The following HHAT variants were observed in gnomAD, a reference collection of about 807,000 sequenced individuals.
HHAT encodes the protein protein-cysteine N-palmitoyltransferase HHAT.
Under a neutral mutation model 70.8 loss-of-function variants are expected in HHAT, and 47 were observed. The observed-to-expected ratio is 0.66, with a 90% CI of 0.53 to 0.85. The LOEUF (loss-of-function observed/expected upper bound fraction) is 0.85. Ranked by LOEUF, HHAT falls within the 40% of genes least tolerant of loss-of-function variation. The pLI is 0.00. For synonymous variants in HHAT, 228 were observed against 247.6 expected (o/e 0.92, Z 0.74); for missense variants, 609 against 604.8 (o/e 1.01, Z -0.07).
chr1:210,526,146 G>C (rs955244356), intron 9 of HHAT, among the ~76,000 whole-genome samples: 1 of 152,160 alleles, frequency 6.6e-6, no homozygotes, highest in Non-Finnish European at 1.5e-5. Flanking sequence ...CGAGCTTGGA[G>C]GGGCAGAGGT....
intron 11 of HHAT, among the ~76,000 whole-genome samples, chr1:210,669,562 AATTAT>A (rs1227969421): frequency 1.3e-5 from 2 of 152,140 alleles, no homozygotes; most frequent in African/African-American, 2.4e-5. Flanking sequence ...CTGTCCTATT[AATTAT>A]ATTATCCAAT....
intron 8 of HHAT, among the ~76,000 whole-genome samples, chr1:210,506,165 A>G (rs2094850322): frequency 6.6e-6 from 1 of 152,200 alleles, no homozygotes; most frequent in Non-Finnish European, 1.5e-5. Context: ...CCTAATTTTG[A>G]TGCACTGTGA....
At chr1:210,373,486 GAGA>G (rs1031204907) in intron 3 of HHAT, among the ~76,000 whole-genome samples, 2 of 152,192 alleles carry the variant, frequency 1.3e-5, no homozygotes, top group African/African-American at 4.8e-5. Context: ...GGGCACGTGG[GAGA>G]AGATGTAAAG....
At chr1:210,535,549 A>AG (rs1055476796) in intron 9 of HHAT, among the ~76,000 whole-genome samples, 1 of 151,702 alleles carries the variant, frequency 6.6e-6, no homozygotes, top group Admixed American at 6.6e-5. Context: ...GATCAGTAGG[A>AG]GGGGGTAGAC....
chr1:210,571,167 T>C (rs1343876033), intron 9 of HHAT, among the ~76,000 whole-genome samples: 1 of 152,224 alleles, frequency 6.6e-6, no homozygotes, highest in African/African-American at 2.4e-5. Context: ...CACCTTGTCT[T>C]TGGGCATGAA....
intron 3 of HHAT, among the ~76,000 whole-genome samples, chr1:210,367,138 G>GT (rs1176021522): frequency 6.6e-6 from 1 of 152,166 alleles, no homozygotes; most frequent in African/African-American, 2.4e-5. Flanking sequence ...AGTAAACAGG[G>GT]TGATAGGATA....
chr1:210,532,426 G>C (rs2095324699), intron 9 of HHAT, among the ~76,000 whole-genome samples: 1 of 152,100 alleles, frequency 6.6e-6, no homozygotes, highest in African/African-American at 2.4e-5. Flanking sequence ...TCCAGTCCTG[G>C]CTTTTCCATT....
At chr1:210,597,067 G>A (rs1271067182) in intron 10 of HHAT, among the ~76,000 whole-genome samples, 1 of 152,212 alleles carries the variant, frequency 6.6e-6, no homozygotes, top group Non-Finnish European at 1.5e-5. Flanking sequence ...CAGTAATACT[G>A]TGGGTCTTGC....
At chr1:210,632,399 TGAG>T (rs1011122645) in intron 11 of HHAT, among the ~76,000 whole-genome samples, 1 of 152,102 alleles carries the variant, frequency 6.6e-6, no homozygotes, top group Non-Finnish European at 1.5e-5. Context: ...CTCTTTGTCT[TGAG>T]GAGGTGATGT....
intron 9 of HHAT, among the ~76,000 whole-genome samples, chr1:210,541,525 G>C (rs2095430671): frequency 6.6e-6 from 1 of 152,168 alleles, no homozygotes; most frequent in Non-Finnish European, 1.5e-5. Context: ...TCAGGAGTTT[G>C]AGACTAGCCT....
intron 9 of HHAT, among the ~76,000 whole-genome samples, chr1:210,535,194 A>G (rs2095358007): frequency 6.6e-6 from 1 of 152,196 alleles, no homozygotes; most frequent in African/African-American, 2.4e-5. Flanking sequence ...TAGGACCTCC[A>G]TTGCCAGCAC....
At chr1:210,668,961 G>A (rs1679511778) in intron 11 of HHAT, among the ~76,000 whole-genome samples, 1 of 152,098 alleles carries the variant, frequency 6.6e-6, no homozygotes, top group Non-Finnish European at 1.5e-5. Context: ...TTTTAGTAGA[G>A]AAGGGGTTTC....
intron 7 of HHAT, among the ~76,000 whole-genome samples, chr1:210,451,197 T>C (rs1335743995): frequency 6.6e-6 from 1 of 152,116 alleles, no homozygotes; most frequent in East Asian, 1.9e-4. Context: ...GAGTATTAGA[T>C]TGGGTCTGGG....
chr1:210,339,671 A>G (rs1005870854), intron 1 of HHAT, among the ~76,000 whole-genome samples: 3 of 152,190 alleles, frequency 2.0e-5, no homozygotes, highest in Admixed American at 6.6e-5. Flanking sequence ...TGAGGTCATC[A>G]TGGCCCCCTC....
chr1:210,611,954 G>C (rs1336158664), intron 10 of HHAT, among the ~76,000 whole-genome samples: 1 of 152,156 alleles, frequency 6.6e-6, no homozygotes, highest in East Asian at 1.9e-4. Context: ...CAAGGATATT[G>C]ACCTGAAGTG....
intron 8 of HHAT, among the ~76,000 whole-genome samples, chr1:210,468,831 AG>A (rs1193771859): frequency 2.0e-5 from 3 of 152,126 alleles, no homozygotes; most frequent in African/African-American, 7.2e-5. Flanking sequence ...AAAGAAGAAA[AG>A]GTCAAATAGG....
intron 8 of HHAT, among the ~76,000 whole-genome samples, chr1:210,467,263 T>A (rs1244137884): frequency 6.6e-6 from 1 of 152,164 alleles, no homozygotes; most frequent in East Asian, 1.9e-4. Context: ...CAGTGTACAA[T>A]GTAAGACTCA....
rs1193121365 is a variant in HHAT at position 210,494,554 on chromosome 1, T to A, written c.1008-18599T>A. ...CAGTTTGAAATAGCTTTTTTTTTTT[T>A]TTTTTTTTTTTTTTTGAGACAGAGT... On this transcript the variant is annotated intron_variant, in intron 8 of 11. Transcript: ENST00000261458. Among the ~76,000 whole-genome samples the A allele has an allele frequency of 4.7e-5, 5 of 106,746 alleles. No homozygotes were observed. In the South Asian group the frequency reaches 2.1e-3, roughly 45 times the overall value. The allele number at this position is 106,746 out of a possible 152,430, so 70.0% of individuals were successfully genotyped here.
intron 9 of HHAT, among the ~76,000 whole-genome samples, chr1:210,574,310 G>T (rs1657115804): frequency 6.6e-6 from 1 of 152,236 alleles, no homozygotes; most frequent in African/African-American, 2.4e-5. Context: ...GGGATGGCAT[G>T]ATTACAAGGC....
Sources: gnomAD v4.1 joint callset for allele counts (sites outside exome capture counted in the v4.1 genomes callset) on GRCh38, gnomAD v4.1.1 for gene constraint, MANE v1.5 for transcripts, NCBI Gene and HGNC (gene_info 2026-07-23, HGNC 2026-07-21) for gene names.